MELK: variants seen among roughly 807,000 people sequenced by gnomAD.
MELK encodes the protein maternal embryonic leucine zipper kinase, also known as pEg3 kinase.
MELK carries 81 observed loss-of-function variants against 85.0 expected under a neutral mutation model. The observed-to-expected ratio is 0.95, with a 90% CI of 0.80 to 1.15. The LOEUF (loss-of-function observed/expected upper bound fraction) is 1.15. Among genes scored for constraint, MELK ranks in the 50% most tolerant of loss-of-function variants. The pLI is 0.00. For synonymous variants in MELK, 252 were observed against 265.0 expected (o/e 0.95, Z 0.48); for missense variants, 754 against 777.5 (o/e 0.97, Z 0.36).
At chr9:36,587,646 C>T (rs757433667) in intron 3 of MELK, among the ~76,000 whole-genome samples, 4 of 148,228 alleles carry the variant, frequency 2.7e-5, no homozygotes, top group Non-Finnish European at 5.9e-5. Flanking sequence ...CGGAGTTTCG[C>T]TCTTGTTGCC....
chr9:36,658,433 A>T (rs1831466565), intron 13 of MELK, among the ~76,000 whole-genome samples: 1 of 151,958 alleles, frequency 6.6e-6, no homozygotes, highest in Non-Finnish European at 1.5e-5. Context: ...CCTCTAGTGA[A>T]TTTTTTGTTA....
intron 12 of MELK, among the ~76,000 whole-genome samples, chr9:36,653,286 A>G (rs1372180477): frequency 1.3e-5 from 2 of 152,092 alleles, no homozygotes; most frequent in Non-Finnish European, 2.9e-5. Flanking sequence ...AGCTGGGATT[A>G]CAGGTGTGTG....
intron 7 of MELK, 34 bp downstream of exon 7, chr9:36,599,520 A>G (rs754488000): frequency 2.0e-6 from 3 of 1,525,660 alleles, no homozygotes; most frequent in Non-Finnish European, 1.8e-6. Context: ...TTATATAATC[A>G]GCAGACATTT....
chr9:36,648,642 C>T (rs1037590782), intron 11 of MELK, among the ~76,000 whole-genome samples: 3 of 152,150 alleles, frequency 2.0e-5, no homozygotes, highest in Non-Finnish European at 1.5e-5. Flanking sequence ...AACGCTGAAA[C>T]CAGGATTTGT....
Position 36,657,372 on chromosome 9 carries a change from T to G in MELK, c.1176+9T>G. On this transcript the variant is annotated intron_variant, in intron 13 of 17. Transcript: ENST00000298048. ...CTCCCCGAACATCACAGGTTCGTCATTCTTATTACTATTTAAGGCAGAATC... is the reference window on the plus strand; with the variant it reads ...CTCCCCGAACATCACAGGTTCGTCAGTCTTATTACTATTTAAGGCAGAATC... 1 of 1,596,766 alleles carries G rather than the reference T, an allele frequency of 6.3e-7. No individual in the cohort carries two copies. The highest frequency in any genetic ancestry group is 8.5e-7 in the Non-Finnish European group (1 of 1,174,426).
chr9:36,643,809 C>T (rs1410246088), intron 11 of MELK, among the ~76,000 whole-genome samples: 1 of 151,848 alleles, frequency 6.6e-6, no homozygotes, highest in Non-Finnish European at 1.5e-5. Flanking sequence ...TAGCAGATGC[C>T]TGTAGTCTCA....
intron 8 of MELK, among the ~76,000 whole-genome samples, chr9:36,609,840 C>T (rs879796472): frequency 1.3e-5 from 2 of 152,136 alleles, no homozygotes; most frequent in African/African-American, 4.8e-5. Context: ...TAGAAAAGAT[C>T]TATGAAACTT....
intron 8 of MELK, among the ~76,000 whole-genome samples, chr9:36,613,277 A>G (rs1237823552): frequency 6.6e-6 from 1 of 152,168 alleles, no homozygotes; most frequent in Non-Finnish European, 1.5e-5. Context: ...CAGAAAGACA[A>G]CCACTTGTTT....
intron 7 of MELK, among the ~76,000 whole-genome samples, chr9:36,601,742 C>G (rs2135650933): frequency 6.6e-6 from 1 of 152,288 alleles, no homozygotes; most frequent in Middle Eastern, 3.4e-3. Context: ...CTACCCTATT[C>G]CCCTGGCAAC....
intron 2 of MELK, among the ~76,000 whole-genome samples, chr9:36,583,205 C>T (rs1822437009): frequency 1.3e-5 from 2 of 152,032 alleles, no homozygotes; most frequent in African/African-American, 4.8e-5. Flanking sequence ...GATCTCCTGA[C>T]CTTGTGATCC....
At position 36,583,662 on chromosome 9, in the gene MELK, C is replaced by T. The variant is rs763697533; in HGVS notation, c.94C>T (p.Leu32Phe). 2.5e-6 allele frequency: 4 copies of T among 1,612,682 alleles called. No homozygotes were observed. Among genetic ancestry groups the T allele is most frequent in the Non-Finnish European group, 3.4e-6 (4 of 1,179,144 alleles). ...FAKVKLACHILTGEMVAIKIM... is the reference protein window; with the variant it reads ...FAKVKLACHIFTGEMVAIKIM... ...AAAGGTCAAACTTGCCTGCCATATC[C>T]TTACTGGAGAGATGGTAGCTATAAA... Residue 32 changes from leucine to phenylalanine, a missense_variant, in exon 3 of 18, where the codon CTT becomes TTT. Leu to Phe is a conservative substitution (Grantham distance 22). Coordinates refer to ENST00000298048, the MANE Select transcript of MELK (RefSeq NM_014791.4).
At chr9:36,589,713 A>T in intron 4 of MELK, 61 bp downstream of exon 4, 1 of 1,221,452 alleles carries the variant, frequency 8.2e-7, no homozygotes, top group Non-Finnish European at 1.2e-6. Context: ...GTAAAAGAGA[A>T]AAGTACATTT....
chr9:36,637,821 A>G (rs542082848), intron 10 of MELK, among the ~76,000 whole-genome samples: 1 of 152,214 alleles, frequency 6.6e-6, no homozygotes, highest in African/African-American at 2.4e-5. Flanking sequence ...AGCTGAAATC[A>G]CTCCTGATTC....
Position 36,663,403 on chromosome 9 carries a change from A to G in MELK, c.1177-1947A>G, listed in dbSNP as rs558809314. Among the ~76,000 whole-genome samples, 7 of 152,268 alleles carry G rather than the reference A, an allele frequency of 4.6e-5. 1 individual carries two copies. The East Asian group carries it at 1.3e-3, about 29-fold the overall frequency. On this transcript the variant is annotated intron_variant, in intron 13 of 17. Coordinates refer to ENST00000298048, the MANE Select transcript of MELK (RefSeq NM_014791.4). ...CCTGCTTTTCTTTAAAACAATATTT[A>G]TATAAATTTATAGAGTACAAGTACA...
intron 7 of MELK, among the ~76,000 whole-genome samples, chr9:36,603,752 A>G (rs1825160100): frequency 6.6e-6 from 1 of 151,946 alleles, no homozygotes; most frequent in Non-Finnish European, 1.5e-5. Flanking sequence ...ATTTACTTGC[A>G]TTTGCTTTGG....
At chr9:36,667,743 T>TTTCTC (rs747187068) in intron 14 of MELK, among the ~76,000 whole-genome samples, 10 of 152,120 alleles carry the variant, frequency 6.6e-5, no homozygotes, top group Non-Finnish European at 1.5e-4. Context: ...TCTTTTCTTT[T>TTTCTC]TTCTCTTCTC....
intron 10 of MELK, among the ~76,000 whole-genome samples, chr9:36,641,795 C>T (rs911738845): frequency 4.0e-5 from 6 of 151,828 alleles, no homozygotes; most frequent in African/African-American, 9.7e-5. Flanking sequence ...TTAGTAGAGA[C>T]GGGGTTTCTC....
intron 1 of MELK, among the ~76,000 whole-genome samples, chr9:36,577,714 T>C (rs1015670051): frequency 6.6e-6 from 1 of 152,008 alleles, no homozygotes; most frequent in African/African-American, 2.4e-5. Context: ...TGCAGTGGCA[T>C]GATCTCGGCT....
chr9:36,581,202 T>C (rs1822204460), intron 1 of MELK, among the ~76,000 whole-genome samples: 1 of 151,936 alleles, frequency 6.6e-6, no homozygotes, highest in Admixed American at 6.6e-5. Flanking sequence ...TGCTTAGTTT[T>C]ATTTTTATTT....
Sources: gnomAD v4.1 joint callset for allele counts (sites outside exome capture counted in the v4.1 genomes callset) on GRCh38, gnomAD v4.1.1 for gene constraint, MANE v1.5 for transcripts, NCBI Gene and HGNC (gene_info 2026-07-23, HGNC 2026-07-21) for gene names.